MGAT4C: variants seen among roughly 807,000 people sequenced by gnomAD.
The protein encoded by MGAT4C is MGAT4 family member C.
In MGAT4C, 19 loss-of-function variants were observed where a neutral mutation model predicts 40.1. The observed-to-expected ratio is 0.47, with a 90% CI of 0.33 to 0.70. The LOEUF (loss-of-function observed/expected upper bound fraction) is 0.70, where lower values mean the gene tolerates loss of function less well. Among genes scored for constraint, MGAT4C ranks in the 30% least tolerant of loss-of-function variants. MGAT4C has a pLI of 0.02. For missense variants in MGAT4C, 491 were observed against 563.2 expected (o/e 0.87, Z 1.30); for synonymous variants, 181 against 187.1 (o/e 0.97, Z 0.27).
At chr12:86,245,368 T>A (rs1468510767) in intron 1 of MGAT4C, among the ~76,000 whole-genome samples, 1 of 152,204 alleles carries the variant, frequency 6.6e-6, no homozygotes, top group Non-Finnish European at 1.5e-5. Flanking sequence ...TACAATCTTG[T>A]CTCTGAGTTC....
Position 86,036,224 on chromosome 12 carries a change from T to C in MGAT4C, c.-7+13450A>G, listed in dbSNP as rs76968265. The stretch of plus-strand genomic sequence containing the variant: ...TCTCCAGCCCCATGGGCTGAGACGA[T>C]GGGGTTTTCTAAATATACAATCATG... On this transcript the variant is annotated intron_variant, in intron 2 of 4. Transcript: ENST00000611864. Among the ~76,000 whole-genome samples, 1,188 of 149,894 alleles carry C rather than the reference T, an allele frequency of 7.9e-3. 99 individuals carry two copies. The highest frequency in any genetic ancestry group is 0.012 in the Non-Finnish European group (832 of 66,730).
At chr12:86,713,631 A>T (rs1473835666) in intron 2 of MGAT4C, among the ~76,000 whole-genome samples, 1 of 152,168 alleles carries the variant, frequency 6.6e-6, no homozygotes, top group East Asian at 1.9e-4. Context: ...CAAAAACATT[A>T]GCTAAACTAT....
At chr12:86,772,563 C>T (rs1368091770) in intron 1 of MGAT4C, among the ~76,000 whole-genome samples, 1 of 152,086 alleles carries the variant, frequency 6.6e-6, no homozygotes, top group East Asian at 1.9e-4. Context: ...AGGAACAGGC[C>T]ATTGCCACCT....
At chr12:86,506,323 T>C (rs1288836669) in intron 2 of MGAT4C, among the ~76,000 whole-genome samples, 1 of 152,188 alleles carries the variant, frequency 6.6e-6, no homozygotes, top group Admixed American at 6.6e-5. Flanking sequence ...AAAGTTTTGT[T>C]TTGCCTTGTC....
At chr12:86,559,998 A>G (rs1032154733) in intron 2 of MGAT4C, among the ~76,000 whole-genome samples, 1 of 152,010 alleles carries the variant, frequency 6.6e-6, no homozygotes, top group African/African-American at 2.4e-5. Context: ...CCCAAGGGTC[A>G]ATAGAAACTG....
intron 2 of MGAT4C, among the ~76,000 whole-genome samples, chr12:86,588,950 G>A (rs1961194272): frequency 6.6e-6 from 1 of 151,468 alleles, no homozygotes; most frequent in Non-Finnish European, 1.5e-5. Flanking sequence ...AGAGAAAGCA[G>A]AAAAGATCCA....
chr12:86,257,373 T>C (rs1366869893), upstream of MGAT4C, among the ~76,000 whole-genome samples: 4 of 152,188 alleles, frequency 2.6e-5, no homozygotes, highest in African/African-American at 9.6e-5. Flanking sequence ...AACTGTGAGA[T>C]GCAAGAATTA....
At chr12:86,384,610 C>T (rs1348568394) in intron 3 of MGAT4C, among the ~76,000 whole-genome samples, 3 of 152,098 alleles carry the variant, frequency 2.0e-5, no homozygotes, top group East Asian at 1.9e-4. Flanking sequence ...TTCATTCTTC[C>T]GTTGGGAGAA....
intron 2 of MGAT4C, among the ~76,000 whole-genome samples, chr12:86,519,970 T>C (rs1201734743): frequency 1.3e-5 from 2 of 152,184 alleles, no homozygotes; most frequent in East Asian, 3.9e-4. Flanking sequence ...AAAATATTTG[T>C]GCAGATCAAT....
intron 3 of MGAT4C, among the ~76,000 whole-genome samples, chr12:86,423,481 A>C (rs1162886717): frequency 6.6e-6 from 1 of 152,064 alleles, no homozygotes; most frequent in African/African-American, 2.4e-5. Flanking sequence ...TAGAACAACT[A>C]AAAATTTGAC....
intron 3 of MGAT4C, among the ~76,000 whole-genome samples, chr12:86,363,885 C>T (rs1405945329): frequency 6.6e-6 from 1 of 151,326 alleles, no homozygotes; most frequent in Non-Finnish European, 1.5e-5. Context: ...ACAATTTATG[C>T]CTATAAGTTC....
intron 1 of MGAT4C, among the ~76,000 whole-genome samples, chr12:86,155,771 A>G (rs1884859261): frequency 6.6e-6 from 1 of 152,182 alleles, no homozygotes; most frequent in South Asian, 2.1e-4. Flanking sequence ...ATATACACAC[A>G]AATTATGGTG....
At chr12:86,754,884 A>AT (rs947061594) in intron 1 of MGAT4C, among the ~76,000 whole-genome samples, 4 of 151,776 alleles carry the variant, frequency 2.6e-5, no homozygotes, top group Non-Finnish European at 5.9e-5. Context: ...CATAATGGTC[A>AT]TTTTTTTTCC....
At position 86,180,914 on chromosome 12, in the gene MGAT4C, G is replaced by C. The variant is rs533507660; in HGVS notation, c.-57+75325C>G. On this transcript the variant is annotated intron_variant, in intron 1 of 4. Transcript: ENST00000611864. ...AGGCATGATTGATTTTCAAATGTAA[G>C]GACATGAGATTTGGAGGGGTTGGGA... Among the ~76,000 whole-genome samples, 17 of 152,216 alleles carry C rather than the reference G, an allele frequency of 1.1e-4. 1 individual carries two copies. Among genetic ancestry groups the C allele is most frequent in the African/African-American group, 3.9e-4 (16 of 41,530 alleles).
intron 2 of MGAT4C, among the ~76,000 whole-genome samples, chr12:86,550,746 A>T (rs1407749110): frequency 6.6e-6 from 1 of 152,166 alleles, no homozygotes; most frequent in African/African-American, 2.4e-5. Context: ...CTCAGTGCAA[A>T]CCTGCCCATA....
chr12:86,748,485 T>C (rs1951186396), intron 1 of MGAT4C, among the ~76,000 whole-genome samples: 1 of 151,726 alleles, frequency 6.6e-6, no homozygotes, highest in South Asian at 2.1e-4. Flanking sequence ...TAATTGACTT[T>C]AACATTTAGG....
At chr12:86,184,357 CTAAG>C (rs1219955400) in intron 1 of MGAT4C, among the ~76,000 whole-genome samples, 2 of 148,710 alleles carry the variant, frequency 1.3e-5, no homozygotes, top group East Asian at 3.9e-4. Flanking sequence ...GCCTGGGTGA[CTAAG>C]TGAGACTCCG....
intron 2 of MGAT4C, among the ~76,000 whole-genome samples, chr12:86,438,392 A>G (rs1016944003): frequency 3.9e-5 from 6 of 151,962 alleles, no homozygotes; most frequent in Non-Finnish European, 8.8e-5. Context: ...TGCCCTCTGT[A>G]TGACTTAAAA....
chr12:86,286,365 C>T (rs1005501866), intron 4 of MGAT4C, among the ~76,000 whole-genome samples: 2 of 152,110 alleles, frequency 1.3e-5, no homozygotes, highest in African/African-American at 4.8e-5. Flanking sequence ...CTACATTAAG[C>T]TTTCCATCAA....
Sources: gnomAD v4.1 joint callset for allele counts (sites outside exome capture counted in the v4.1 genomes callset) on GRCh38, gnomAD v4.1.1 for gene constraint, MANE v1.5 for transcripts, NCBI Gene and HGNC (gene_info 2026-07-23, HGNC 2026-07-21) for gene names.